The following PLCE1 variants were observed in gnomAD, a reference collection of about 807,000 sequenced individuals.
PLCE1 encodes phospholipase C epsilon 1, also known as 1-phosphatidylinositol 4,5-bisphosphate phosphodiesterase epsilon-1.
A neutral mutation model predicts 242.8 loss-of-function variants in PLCE1; 119 were observed. The observed-to-expected ratio is 0.49, with a 90% CI of 0.42 to 0.57. The LOEUF (loss-of-function observed/expected upper bound fraction) is 0.57. Ranked by LOEUF, PLCE1 falls within the 20% of genes least tolerant of loss-of-function variation. The pLI, the probability that PLCE1 is intolerant of heterozygous loss-of-function variation, is 0.00. For synonymous variants in PLCE1, 945 were observed against 1,017.4 expected (o/e 0.93, Z 1.35); for missense variants, 2,441 against 2,788.8 (o/e 0.88, Z 2.81).
Position 94,030,812 on chromosome 10 carries a change from A to T in PLCE1, c.-235A>T. 1.9e-6 allele frequency: 1 copy of T among 534,626 alleles called. No individual in the cohort carries two copies. Among genetic ancestry groups the T allele is most frequent in the Non-Finnish European group, 3.3e-6 (1 of 302,600 alleles). The allele number at this position is 534,626 out of a possible 1,614,324, so 33.1% of individuals were successfully genotyped here. ...TCAGGTAACAGAGGAAGGAAAATTG[A>T]TCTACCACCTTAAAACCCTGATCTA... On this transcript the variant is annotated 5_prime_UTR_variant, in exon 2 of 33. Coordinates refer to ENST00000371380, the MANE Select transcript of PLCE1 (RefSeq NM_016341.4).
chr10:94,312,371 T>C (rs1181110146), intron 27 of PLCE1, among the ~76,000 whole-genome samples: 1 of 152,230 alleles, frequency 6.6e-6, no homozygotes, highest in Non-Finnish European at 1.5e-5. Flanking sequence ...TTTGCCTGCA[T>C]CTCCAGCCTT....
chr10:94,154,218 G>C (rs1239869502), intron 3 of PLCE1, among the ~76,000 whole-genome samples: 2 of 152,066 alleles, frequency 1.3e-5, no homozygotes, highest in Admixed American at 1.3e-4. Context: ...CATTCAATGG[G>C]GAAGGAACAA....
At chr10:94,235,281 G>A (rs2050285350) in intron 6 of PLCE1, among the ~76,000 whole-genome samples, 1 of 152,126 alleles carries the variant, frequency 6.6e-6, no homozygotes, top group Non-Finnish European at 1.5e-5. Context: ...GGCAAGAAAT[G>A]GAGGAGAAAG....
chr10:94,320,180 T>C (rs891195410), intron 29 of PLCE1, among the ~76,000 whole-genome samples: 4 of 152,124 alleles, frequency 2.6e-5, no homozygotes, highest in African/African-American at 9.7e-5. Flanking sequence ...AATGACATAT[T>C]ATTAAGCAAG....
chr10:94,158,614 T>C (rs1402205462), intron 3 of PLCE1, among the ~76,000 whole-genome samples: 1 of 152,050 alleles, frequency 6.6e-6, no homozygotes, highest in East Asian at 1.9e-4. Flanking sequence ...GGTGTTATTA[T>C]AATGGTAAAA....
chr10:94,313,405 G>A lies in PLCE1; in HGVS notation c.6132+23G>A, dbSNP rs766170037. 5.6e-6 allele frequency: 9 copies of A among 1,613,874 alleles called. No individual in the cohort carries two copies. In the Admixed American group the frequency reaches 1.2e-4, roughly 21 times the overall value. On this transcript the variant is annotated intron_variant, in intron 28 of 32. Coordinates refer to ENST00000371380, the MANE Select transcript of PLCE1 (RefSeq NM_016341.4). ...CAAGTAAGTCCACTGAGCCGTGGTT[G>A]GGAGAATCCAAAATCTAAGATGTAT...
intron 1 of PLCE1, among the ~76,000 whole-genome samples, chr10:93,995,006 G>A (rs73328029): frequency 0.016 from 2,442 of 152,272 alleles, 70 homozygotes; most frequent in African/African-American, 0.056. Context: ...TTTGCCCGTA[G>A]GTCTTTTAGA....
intron 1 of PLCE1, among the ~76,000 whole-genome samples, chr10:93,997,482 C>T (rs116222880): frequency 1.4e-3 from 220 of 152,174 alleles, no homozygotes; most frequent in African/African-American, 5.0e-3. Flanking sequence ...ACTGAAGCAA[C>T]GAAAGGTCAA....
At chr10:94,284,716 TATATGG>T in intron 21 of PLCE1, 126 bp from the exon 22 acceptor site, 1 of 681,236 alleles carries the variant, frequency 1.5e-6, no homozygotes, top group Non-Finnish European at 2.7e-6. Context: ...TTGGGACATG[TATATGG>T]ATAATTACCA....
chr10:94,162,393 A>G (rs1381214024), intron 3 of PLCE1, among the ~76,000 whole-genome samples: 1 of 152,152 alleles, frequency 6.6e-6, no homozygotes, highest in African/African-American at 2.4e-5. Flanking sequence ...GGGAGGGTGT[A>G]TGTGTGGAGG....
chr10:94,307,779 CT>C (rs1564882583), intron 26 of PLCE1, among the ~76,000 whole-genome samples: 1 of 152,188 alleles, frequency 6.6e-6, no homozygotes, highest in African/African-American at 2.4e-5. Flanking sequence ...TAAAGACCCT[CT>C]CTTCAAATAT....
At chr10:94,029,170 C>T (rs930204801) in intron 1 of PLCE1, among the ~76,000 whole-genome samples, 4 of 152,204 alleles carry the variant, frequency 2.6e-5, no homozygotes, top group African/African-American at 9.6e-5. Flanking sequence ...AGGACCTAAG[C>T]ATCACCAAAA....
intron 3 of PLCE1, among the ~76,000 whole-genome samples, chr10:94,135,277 T>TA (rs894268439): frequency 7.3e-5 from 11 of 151,058 alleles, no homozygotes; most frequent in Non-Finnish European, 1.6e-4. Context: ...AAAATTAAGT[T>TA]AAAAAAAAAG....
At chr10:94,297,763 CTT>C (rs1471641756) in intron 23 of PLCE1, among the ~76,000 whole-genome samples, 1 of 152,116 alleles carries the variant, frequency 6.6e-6, no homozygotes, top group Admixed American at 6.5e-5. Context: ...TCCTTATTCT[CTT>C]TAATGCTTGT....
At chr10:94,212,950 A>G (rs1428520733) in intron 4 of PLCE1, among the ~76,000 whole-genome samples, 2 of 152,244 alleles carry the variant, frequency 1.3e-5, no homozygotes, top group Non-Finnish European at 2.9e-5. Flanking sequence ...GTTGCCGCAT[A>G]TGAATAAGCA....
At chr10:94,313,755 T>TA (rs1315342258) in intron 28 of PLCE1, among the ~76,000 whole-genome samples, 1 of 132,976 alleles carries the variant, frequency 7.5e-6, no homozygotes, top group Non-Finnish European at 1.8e-5. Context: ...ACGCAGAGAT[T>TA]ATTAATCAAT....
intron 3 of PLCE1, among the ~76,000 whole-genome samples, chr10:94,133,368 T>G (rs902484963): frequency 6.6e-6 from 1 of 152,218 alleles, no homozygotes; most frequent in Non-Finnish European, 1.5e-5. Context: ...GAAATGGCAG[T>G]GCACCAAACA....
intron 8 of PLCE1, among the ~76,000 whole-genome samples, chr10:94,250,820 A>G (rs779590159): frequency 1.3e-5 from 2 of 152,154 alleles, no homozygotes; most frequent in African/African-American, 4.8e-5. Context: ...TAAAAGTTTT[A>G]CTCTTCTTTC....
intron 6 of PLCE1, 65 bp downstream of exon 6, chr10:94,234,377 G>A: frequency 6.5e-7 from 1 of 1,527,926 alleles, no homozygotes. Context: ...ATCAGGCCCT[G>A]TCTGTGCTCA....
Sources: gnomAD v4.1 joint callset for allele counts (sites outside exome capture counted in the v4.1 genomes callset) on GRCh38, gnomAD v4.1.1 for gene constraint, MANE v1.5 for transcripts, NCBI Gene and HGNC (gene_info 2026-07-23, HGNC 2026-07-21) for gene names.